Variants in OGDHL observed in about 807,000 individuals in gnomAD.
The protein encoded by OGDHL is oxoglutarate dehydrogenase L.
A neutral mutation model predicts 109.6 loss-of-function variants in OGDHL; 79 were observed. The observed-to-expected ratio is 0.72, with a 90% CI of 0.60 to 0.87. The LOEUF (loss-of-function observed/expected upper bound fraction) is 0.87, where lower values mean the gene tolerates loss of function less well. OGDHL is among the 40% of genes least tolerant of loss of function. OGDHL has a pLI of 0.00. For missense variants in OGDHL, 1,275 were observed against 1,362.2 expected, an observed-to-expected ratio of 0.94 and a Z score of 1.01; for synonymous variants, 528 against 537.2, an observed-to-expected ratio of 0.98 and a Z score of 0.24.
Position 49,744,124 on chromosome 10 carries a change from TGA to T in OGDHL, c.1733-4_1733-3del. ...GCTCCCCATCTACGTTGAAGAAGCC[TGA>T]GAGGGAGAGAGGCTCTGTCCACACT... On this transcript the variant is annotated splice_polypyrimidine_tract_variant and splice_region_variant and intron_variant, in intron 13 of 22. Transcript: ENST00000374103. The T allele has an allele frequency of 6.2e-7, 1 of 1,613,584 alleles. No individual in the cohort carries two copies. The highest frequency in any genetic ancestry group is 1.3e-5 in the African/African-American group (1 of 75,030).
At chr10:49,750,355 T>G (rs1183036119) in intron 7 of OGDHL, among the ~76,000 whole-genome samples, 1 of 152,162 alleles carries the variant, frequency 6.6e-6, no homozygotes, top group Admixed American at 6.5e-5. Flanking sequence ...GCCCCACTGC[T>G]GAGCAAGCCT....
Position 49,744,598 on chromosome 10 carries a change from C to T in OGDHL, c.1732+52G>A, listed in dbSNP as rs377615010. ...GGCCATTCCAGTCCTGATCCCAGTG[C>T]AAGACCTCAAGGCCCAGGGGAGTCC... is the stretch of plus-strand genomic sequence containing the variant. On this transcript the variant is annotated intron_variant, in intron 13 of 22. Transcript: ENST00000374103. The T allele has an allele frequency of 2.5e-4, 354 of 1,426,138 alleles. 5 individuals carry two copies. The East Asian group carries it at 6.0e-3, about 24-fold the overall frequency. 88.3% of individuals were successfully genotyped at this position (1,426,138 alleles called of 1,614,324 possible). A position where few individuals can be genotyped will look rare whatever the true frequency, so the allele number is the denominator to read the frequency against.
At position 49,740,814 on chromosome 10, in the gene OGDHL, TCATGGAGAA is replaced by T. The variant is rs748417346; in HGVS notation, c.2027_2035del (p.Val676_His678del). Reference sequence around the variant, plus strand: ...ACACGTCCTGCGGTCAACCTCCTGGTCATGGAGAACATGGTGCCGGTGACTGCAGAGACA... The same window carrying T: ...ACACGTCCTGCGGTCAACCTCCTGGTCATGGTGCCGGTGACTGCAGAGACA... On this transcript the variant is annotated inframe_deletion, in exon 16 of 23. Transcript: ENST00000374103. The T allele has an allele frequency of 6.2e-7, 1 of 1,613,850 alleles. No individual in the cohort carries two copies. The highest frequency in any genetic ancestry group is 1.7e-5 in the Admixed American group (1 of 60,016).
Position 49,739,978 on chromosome 10 carries a change from T to C in OGDHL, c.2141-139A>G, listed in dbSNP as rs189545972. 420 of 848,098 alleles carry C rather than the reference T, an allele frequency of 5.0e-4. 5 individuals are homozygous for C. In the East Asian group the frequency reaches 9.0e-3, roughly 18 times the overall value. 52.5% of individuals were successfully genotyped at this position (848,098 alleles called of 1,614,324 possible). On this transcript the variant is annotated intron_variant, in intron 16 of 22. Transcript: ENST00000374103. Reference sequence around the variant, plus strand: ...AGCCAGGACGAACCCAGGGATTCCCTGGGATTCAAAGGGTACAATGTACCA... The same window carrying C: ...AGCCAGGACGAACCCAGGGATTCCCCGGGATTCAAAGGGTACAATGTACCA...
chr10:49,743,272 G>T (rs574385272), intron 14 of OGDHL, among the ~76,000 whole-genome samples: 98 of 152,338 alleles, frequency 6.4e-4, no homozygotes, highest in African/African-American at 2.3e-3. Context: ...CAAGGTACAC[G>T]GATTTGACTC....
intron 1 of OGDHL, among the ~76,000 whole-genome samples, chr10:49,760,639 G>A (rs768959068): frequency 7.9e-4 from 120 of 152,228 alleles, no homozygotes; most frequent in Non-Finnish European, 1.6e-3. Flanking sequence ...ACTGATTCTA[G>A]GACAGATACT....
At chr10:49,745,521 A>T in intron 11 of OGDHL, 25 bp from the exon 12 acceptor site, 1 of 1,612,772 alleles carries the variant, frequency 6.2e-7, no homozygotes. Flanking sequence ...AGAGGGGCTC[A>T]GGCCCTTCCC....
At chr10:49,741,418 G>T (rs916887378) in intron 15 of OGDHL, among the ~76,000 whole-genome samples, 1 of 152,074 alleles carries the variant, frequency 6.6e-6, no homozygotes, top group South Asian at 2.1e-4. Flanking sequence ...AAGACCAGCC[G>T]AGATAAGCAA....
intron 14 of OGDHL, chr10:49,743,547 A>G (rs1841954506): frequency 5.9e-6 from 1 of 170,332 alleles, no homozygotes; most frequent in African/African-American, 2.4e-5. Flanking sequence ...GTGACCACCC[A>G]CATTCTAGTC....
chr10:49,746,924 T>G (rs781189788), intron 9 of OGDHL, 46 bp from the exon 10 acceptor site: 1 of 1,613,052 alleles, frequency 6.2e-7, no homozygotes, highest in South Asian at 1.1e-5. Flanking sequence ...CCCCAGCCCA[T>G]GTAGCCCAGC....
At chr10:49,739,624 AACCC>A in intron 17 of OGDHL, 33 bp downstream of exon 17, 1 of 1,602,154 alleles carries the variant, frequency 6.2e-7, no homozygotes, top group Non-Finnish European at 8.5e-7. Context: ...GGCCCGCCAG[AACCC>A]ACCAAGCCAC....
At position 49,758,402 on chromosome 10, in the gene OGDHL, T is replaced by C. The variant is rs1207687162; in HGVS notation, c.191A>G (p.Gln64Arg). The C allele has an allele frequency of 2.7e-5, 43 of 1,612,726 alleles. No individual in the cohort carries two copies. Among genetic ancestry groups the C allele is most frequent in the Non-Finnish European group, 3.6e-5 (43 of 1,179,584 alleles). The change falls in exon 2 of 23, where the codon CAG becomes CGG. Residue 64 changes from glutamine to arginine, a missense_variant. Coordinates refer to ENST00000374103, the MANE Select transcript of OGDHL (RefSeq NM_018245.3). ...EMYFAWLENP[Q>R]SVHKSWDSFF... The stretch of plus-strand genomic sequence containing the variant: ...GGGGATGCTGACCTTGTGGACACTC[T>C]GGGGGTTTTCCAACCAGGCGAAGTA...
At position 49,756,100 on chromosome 10, in the gene OGDHL, C is replaced by G. The variant is rs530536875; in HGVS notation, c.375+676G>C. On this transcript the variant is annotated intron_variant, in intron 3 of 22. Transcript: ENST00000374103. ...CATCATTTCCATTTGCTAATGCCCC[C>G]CTGTACCCTAGCCTTGCTGTGGCTT... 3.3e-5 allele frequency among the ~76,000 whole-genome samples: 5 copies of G among 152,364 alleles called. No individual in the cohort carries two copies. The East Asian group carries it at 9.6e-4, about 29-fold the overall frequency.
rs570023355 is a variant in OGDHL at position 49,745,899 on chromosome 10, T to C, written c.1375A>G (p.Ile459Val). 2.8e-5 allele frequency: 45 copies of C among 1,614,072 alleles called. 2 individuals carry two copies. In the Middle Eastern group the frequency reaches 1.3e-3, roughly 47 times the overall value. Residue 459 changes from isoleucine (I) to valine (V), a missense_variant, in exon 11 of 23, where the codon ATC becomes GTC. Physicochemically the swap from Ile to Val is conservative, Grantham distance 29 (BLOSUM62 3). Transcript: ENST00000374103. ...TDVARVVNAPIFHVNADDPEA... is the reference protein window; with the variant it reads ...TDVARVVNAPVFHVNADDPEA... ...GGGTCATCGGCATTCACATGGAAGATAGGCGCATTGACCACCCGGGCCACG... is the reference window on the plus strand; with the variant it reads ...GGGTCATCGGCATTCACATGGAAGACAGGCGCATTGACCACCCGGGCCACG...
chr10:49,750,272 G>C (rs1200659313), intron 7 of OGDHL, among the ~76,000 whole-genome samples: 1 of 152,172 alleles, frequency 6.6e-6, no homozygotes, highest in East Asian at 1.9e-4. Flanking sequence ...CAGGACCCCT[G>C]GCCACAGACG....
intron 8 of OGDHL, 73 bp from the exon 9 acceptor site, chr10:49,747,281 G>A: frequency 6.6e-7 from 1 of 1,515,164 alleles, no homozygotes; most frequent in Non-Finnish European, 9.0e-7. Context: ...GGCAGGCACT[G>A]CAGCCCACAG....
rs371796231 is a variant in OGDHL, at chr10:49,752,699, A to T, written c.417T>A (p.Ile139=). ...CAAAGGAGTCCAGGTCTGCATCCAG[A>T]ATGCCCAGGGGGTCCAGCTGGGCCA... The part of the protein sequence containing the change: ...HHVAQLDPLG[I]LDADLDSFVP... The change falls in exon 4 of 23, where the codon ATT becomes ATA. Residue 139 remains isoleucine, a synonymous_variant. Transcript: ENST00000374103. 6 of 1,614,170 alleles carry T rather than the reference A, an allele frequency of 3.7e-6. No individual in the cohort carries two copies. The highest frequency in any genetic ancestry group is 5.1e-6 in the Non-Finnish European group (6 of 1,180,028).
In OGDHL at chr10:49,752,733, C is replaced by A. The variant is rs1448541076; in HGVS notation, c.383G>T (p.Gly128Val). Residue 128 changes from glycine (G) to valine (V), a missense_variant, in exon 4 of 23, where the codon GGT becomes GTT. Physicochemically the swap from Gly to Val is moderately radical, Grantham distance 109. Transcript: ENST00000374103. ...QSLIRAYQIR[G>V]HHVAQLDPLG... Reference sequence around the variant, plus strand: ...GGGGTCCAGCTGGGCCACATGGTGACCCCGGATCTGGGAGGAGGGAAAAGA... The same window carrying A: ...GGGGTCCAGCTGGGCCACATGGTGAACCCGGATCTGGGAGGAGGGAAAAGA... 2 of 1,613,568 alleles carry A rather than the reference C, an allele frequency of 1.2e-6. No individual in the cohort carries two copies. Among genetic ancestry groups the A allele is most frequent in the East Asian group, 2.2e-5 (1 of 44,884 alleles).
rs1842602130 is a variant in OGDHL at position 49,751,717 on chromosome 10, C to T, written c.749+110G>A. On this transcript the variant is annotated intron_variant, in intron 6 of 22. Transcript: ENST00000374103. The stretch of plus-strand genomic sequence containing the variant: ...CCTGCAGCCAGTGGTGAGGCCGATC[C>T]AGTCCTGCCTTCCTGTGGTACCCTC... 2.2e-6 allele frequency: 3 copies of T among 1,388,738 alleles called. No homozygotes were observed. In the African/African-American group the frequency reaches 4.3e-5, roughly 20 times the overall value. The allele number at this position is 1,388,738 out of a possible 1,614,324, so 86.0% of individuals were successfully genotyped here. A position where few individuals can be genotyped will look rare whatever the true frequency, so the allele number is the denominator to read the frequency against.
Sources: gnomAD v4.1 joint callset for allele counts (sites outside exome capture counted in the v4.1 genomes callset) on GRCh38, gnomAD v4.1.1 for gene constraint, MANE v1.5 for transcripts, NCBI Gene and HGNC (gene_info 2026-07-23, HGNC 2026-07-21) for gene names.